Variants in DRC3 observed in about 807,000 individuals in gnomAD.
DRC3 encodes dynein regulatory complex subunit 3.
Under a neutral mutation model 57.6 loss-of-function variants are expected in DRC3, and 45 were observed. The ratio of observed to expected loss-of-function variants is 0.78; its 90% CI spans 0.62 to 1.00. The LOEUF (loss-of-function observed/expected upper bound fraction) is 1.00, where lower values mean the gene tolerates loss of function less well. Among genes scored for constraint, DRC3 ranks in the 50% least tolerant of loss-of-function variants. DRC3 has a pLI of 0.00. For missense variants in DRC3, 655 were observed against 675.2 expected (o/e 0.97, Z 0.33); for synonymous variants, 257 against 272.3 (o/e 0.94, Z 0.55).
intron 5 of DRC3, among the ~76,000 whole-genome samples, chr17:17,990,143 T>G (rs566012253): frequency 1.3e-5 from 2 of 152,322 alleles, no homozygotes; most frequent in South Asian, 4.1e-4. Context: ...CTTCCGACAG[T>G]GGCCCTTTAG....
chr17:18,016,690 A>C lies in DRC3; in HGVS notation c.*19A>C, dbSNP rs2044377648. 6.5e-7 allele frequency: 1 copy of C among 1,537,778 alleles called. No individual in the cohort carries two copies. The highest frequency in any genetic ancestry group is 1.4e-5 in the African/African-American group (1 of 73,528). ...AGACTAGATGAATGTCAGCCACAGG[A>C]GCTTCTTCAAAACATAGCACCAGCC... On this transcript the variant is annotated 3_prime_UTR_variant, in exon 14 of 14. Coordinates refer to ENST00000399187, the MANE Select transcript of DRC3 (RefSeq NM_031294.4).
At chr17:17,998,840 T>G (rs1417593410) in intron 9 of DRC3, among the ~76,000 whole-genome samples, 1 of 152,248 alleles carries the variant, frequency 6.6e-6, no homozygotes, top group African/African-American at 2.4e-5. Context: ...TTGGCTCACA[T>G]ATGTGTTTTA....
At chr17:17,987,417 G>C (rs2043013923) in intron 4 of DRC3, among the ~76,000 whole-genome samples, 1 of 152,070 alleles carries the variant, frequency 6.6e-6, no homozygotes, top group African/African-American at 2.4e-5. Flanking sequence ...GCAAATCACT[G>C]AGTCTCTCTG....
chr17:17,998,398 A>G (rs1438547168), intron 9 of DRC3, among the ~76,000 whole-genome samples: 3 of 152,364 alleles, frequency 2.0e-5, no homozygotes, highest in East Asian at 3.9e-4. Context: ...TTTGATGGCA[A>G]CTGCCTCTTT....
In DRC3 at chr17:18,008,466, C is replaced by T. The variant is rs1297291482; in HGVS notation, c.1326+1319C>T. On this transcript the variant is annotated intron_variant, in intron 12 of 13. Transcript: ENST00000399187. The surrounding 1 kb of genome is among the most constrained non-coding windows in gnomAD (Gnocchi z 4.3). ...TCACCACCATGTACCCCCTCAGTAC[C>T]AGCAACAGTGTACAACATGCAGCAC... Among the ~76,000 whole-genome samples the T allele has an allele frequency of 2.6e-5, 4 of 152,178 alleles. No individual in the cohort carries two copies. The highest frequency in any genetic ancestry group is 2.1e-4 in the South Asian group (1 of 4,826).
At chr17:17,990,820 G>A (rs900022878) in intron 5 of DRC3, among the ~76,000 whole-genome samples, 8 of 152,070 alleles carry the variant, frequency 5.3e-5, no homozygotes, top group Admixed American at 2.0e-4. Flanking sequence ...GGCGAAACCC[G>A]TCTCTACTAA....
intron 6 of DRC3, chr17:17,993,973 G>A (rs915426306): frequency 6.3e-6 from 2 of 317,064 alleles, no homozygotes; most frequent in African/African-American, 4.4e-5. Flanking sequence ...CCTCTGTGGA[G>A]AACACCCAGT....
At chr17:17,974,325 C>A (rs1437348606) in intron 2 of DRC3, among the ~76,000 whole-genome samples, 5 of 152,222 alleles carry the variant, frequency 3.3e-5, no homozygotes, top group Admixed American at 3.3e-4. Flanking sequence ...AGTACTGTTG[C>A]TAGAGTGAGC....
At chr17:18,007,687 C>T (rs907768174) in intron 12 of DRC3, 30 of 1,321,930 alleles carry the variant, frequency 2.3e-5, no homozygotes, top group African/African-American at 4.5e-5. Context: ...CGGATGTCTG[C>T]GCTGGGTCCC....
intron 3 of DRC3, among the ~76,000 whole-genome samples, 173 bp from the exon 4 acceptor site, chr17:17,983,655 T>C (rs777262584): frequency 4.6e-5 from 7 of 152,128 alleles, no homozygotes; most frequent in Non-Finnish European, 8.8e-5. Flanking sequence ...GCCCACCTCA[T>C]AGGGACACAA....
intron 12 of DRC3, chr17:18,015,456 T>G (rs539570848): frequency 6.5e-6 from 1 of 152,760 alleles, no homozygotes; most frequent in South Asian, 2.1e-4. Flanking sequence ...TGTCAACACC[T>G]AGAACCAGTG....
intron 2 of DRC3, among the ~76,000 whole-genome samples, chr17:17,975,245 C>G (rs926375925): frequency 1.4e-5 from 2 of 147,702 alleles, no homozygotes; most frequent in Admixed American, 6.8e-5. Flanking sequence ...GAGTCTCGCT[C>G]TATCACCAGG....
At chr17:17,993,781 G>T (rs1025766240) in intron 6 of DRC3, 1 of 162,078 alleles carries the variant, frequency 6.2e-6, no homozygotes, top group African/African-American at 2.4e-5. Context: ...CGGGGACTAA[G>T]TTCTAGAGGT....
In DRC3 at chr17:17,988,111, C is replaced by T. The variant is rs1202201869; in HGVS notation, c.444+13C>T. 3 of 1,611,360 alleles carry T rather than the reference C, an allele frequency of 1.9e-6. No homozygotes were observed. In the African/African-American group the frequency reaches 4.0e-5, roughly 22 times the overall value. ...CAACATGATGAACGTGAGTGGCCGCCCAGCCCGCCCTCACGCACACCTGCA... is the reference window on the plus strand; with the variant it reads ...CAACATGATGAACGTGAGTGGCCGCTCAGCCCGCCCTCACGCACACCTGCA... On this transcript the variant is annotated intron_variant, in intron 5 of 13. Coordinates refer to ENST00000399187, the MANE Select transcript of DRC3 (RefSeq NM_031294.4).
intron 12 of DRC3, among the ~76,000 whole-genome samples, chr17:18,012,311 A>G (rs2044197084): frequency 1.3e-5 from 2 of 152,348 alleles, no homozygotes; most frequent in South Asian, 4.1e-4. Flanking sequence ...ATCCATATGC[A>G]GAAGAATGAA....
intron 9 of DRC3, among the ~76,000 whole-genome samples, chr17:18,002,850 A>G (rs1314388432): frequency 6.6e-6 from 1 of 152,224 alleles, no homozygotes; most frequent in Non-Finnish European, 1.5e-5. Context: ...TGAAGTTGTA[A>G]GGCAGGTAAA....
chr17:17,977,569 C>A lies in DRC3; in HGVS notation c.-17-13C>A. The A allele has an allele frequency of 6.2e-7, 1 of 1,613,620 alleles. No individual in the cohort carries two copies. The highest frequency in any genetic ancestry group is 1.1e-5 in the South Asian group (1 of 91,042). ...AGAAGCAGGCCGTGAAGGAAGAATG[C>A]GGTGTTTTTTAGGGAAAACGTGGGG... On this transcript the variant is annotated splice_polypyrimidine_tract_variant and intron_variant, in intron 2 of 13. Transcript: ENST00000399187.
At chr17:17,986,789 C>T (rs1052539381) in intron 4 of DRC3, among the ~76,000 whole-genome samples, 2 of 151,772 alleles carry the variant, frequency 1.3e-5, no homozygotes, top group African/African-American at 4.8e-5. Flanking sequence ...AATGTGATCA[C>T]CCTGTGGTTA....
chr17:17,982,789 T>C (rs1597556512), intron 3 of DRC3, among the ~76,000 whole-genome samples: 2 of 151,646 alleles, frequency 1.3e-5, no homozygotes, highest in East Asian at 3.9e-4. Flanking sequence ...TTGGCCAGGA[T>C]GGTCTCGATC....
Sources: allele counts gnomAD v4.1 joint callset (sites outside exome capture counted in the v4.1 genomes callset), GRCh38; gene constraint gnomAD v4.1.1; non-coding constraint Gnocchi (gnomAD v3.1); transcripts MANE v1.5; gene names NCBI Gene and HGNC (gene_info 2026-07-23, HGNC 2026-07-21).